The following C6orf163 variants were observed in gnomAD, a reference collection of about 807,000 sequenced individuals.
C6orf163 encodes chromosome 6 open reading frame 163, also known as uncharacterized protein C6orf163.
Under a neutral mutation model 28.4 loss-of-function variants are expected in C6orf163, and 22 were observed. The observed-to-expected ratio is 0.78, with a 90% CI of 0.55 to 1.11. The LOEUF is 1.11. Ranked by LOEUF, C6orf163 falls within the 50% of genes least tolerant of loss-of-function variation. The pLI is 0.00. For synonymous variants in C6orf163, 110 were observed against 123.6 expected (o/e 0.89, Z 0.73); for missense variants, 342 against 389.1 (o/e 0.88, Z 1.02).
At chr6:87,347,214 T>A (rs145823110) in intron 1 of C6orf163, 30 of 162,428 alleles carry the variant, frequency 1.8e-4, no homozygotes, top group African/African-American at 7.2e-4. Context: ...TAAAGAATCA[T>A]AGATTATGTA....
chr6:87,346,024 A>T (rs1244499165), intron 1 of C6orf163, among the ~76,000 whole-genome samples: 1 of 145,864 alleles, frequency 6.9e-6, no homozygotes, highest in Admixed American at 6.8e-5. Context: ...ATACATATAG[A>T]TAACATGAGG....
chr6:87,365,248 A>G lies in C6orf163; in HGVS notation c.842A>G (p.Glu281Gly). 1 of 1,551,740 alleles carries G rather than the reference A, an allele frequency of 6.4e-7. No individual in the cohort carries two copies. The highest frequency in any genetic ancestry group is 8.7e-7 in the Non-Finnish European group (1 of 1,146,992). ...MTNWKDFLEE[E>G]LQETRMAFQK... ...AATTGGAAAGATTTCCTAGAGGAGG[A>G]ATTACAGGAAACCAGGATGGCATTT... Residue 281 changes from glutamate to glycine, a missense_variant, in exon 5 of 5, where the codon GAA becomes GGA. Glu to Gly is a moderately conservative substitution (Grantham distance 98, BLOSUM62 -2). Coordinates refer to ENST00000388923, the MANE Select transcript of C6orf163 (RefSeq NM_001010868.3).
At chr6:87,357,219 A>G (rs1260690620) in intron 4 of C6orf163, 1 of 152,196 alleles carries the variant, frequency 6.6e-6, no homozygotes, top group Non-Finnish European at 1.5e-5. Context: ...AACTATTTCT[A>G]TATATGTAAT....
intron 2 of C6orf163, among the ~76,000 whole-genome samples, chr6:87,349,730 C>T (rs1476155027): frequency 6.6e-6 from 1 of 152,160 alleles, no homozygotes; most frequent in African/African-American, 2.4e-5. Flanking sequence ...CATAATGCTC[C>T]AGTTCTTTAT....
At position 87,344,877 on chromosome 6, in the gene C6orf163, C is replaced by T. The variant is rs778387497; in HGVS notation, c.-223C>T. 2.7e-6 allele frequency: 1 copy of T among 365,170 alleles called. No individual in the cohort carries two copies. Among genetic ancestry groups the T allele is most frequent in the Admixed American group, 4.6e-5 (1 of 21,688 alleles). 22.6% of individuals were successfully genotyped at this position (365,170 alleles called of 1,614,324 possible). On this transcript the variant is annotated 5_prime_UTR_variant, in exon 1 of 5. Coordinates refer to ENST00000388923, the MANE Select transcript of C6orf163 (RefSeq NM_001010868.3). Reference sequence around the variant, plus strand: ...TACTTAAATCTTCCCAAATCTGGTGCCCATACCTTCTATGGCAGGGGCTTT... The same window carrying T: ...TACTTAAATCTTCCCAAATCTGGTGTCCATACCTTCTATGGCAGGGGCTTT...
chr6:87,359,634 C>T (rs107690), intron 4 of C6orf163, among the ~76,000 whole-genome samples: 65,329 of 152,100 alleles, frequency 0.43, 14,415 homozygotes, highest in Non-Finnish European at 0.48. Flanking sequence ...CTACTATGGA[C>T]TTTCCGTAGT....
intron 1 of C6orf163, among the ~76,000 whole-genome samples, chr6:87,346,426 C>A (rs1259816663): frequency 6.6e-6 from 1 of 152,134 alleles, no homozygotes; most frequent in Non-Finnish European, 1.5e-5. Context: ...CAGTGTATCT[C>A]CATTCTTAGA....
intron 4 of C6orf163, chr6:87,357,302 C>T (rs921197085): frequency 4.6e-5 from 7 of 152,122 alleles, no homozygotes; most frequent in Non-Finnish European, 1.0e-4. Context: ...CCATAATTTC[C>T]AGATTTTTTT....
At position 87,344,920 on chromosome 6, in the gene C6orf163, G is replaced by A. The variant is rs999233733; in HGVS notation, c.-180G>A. The A allele has an allele frequency of 3.7e-5, 19 of 517,034 alleles. No individual in the cohort carries two copies. Among genetic ancestry groups the A allele is most frequent in the Middle Eastern group, 5.0e-4 (1 of 1,992 alleles). 32.0% of individuals were successfully genotyped at this position (517,034 alleles called of 1,614,324 possible). ...GGGGCTTTTAGCACCATTCTTTAAC[G>A]TTAGACACATAACCACAGCCTAATC... On this transcript the variant is annotated 5_prime_UTR_variant, in exon 1 of 5. Coordinates refer to ENST00000388923, the MANE Select transcript of C6orf163 (RefSeq NM_001010868.3).
intron 3 of C6orf163, among the ~76,000 whole-genome samples, chr6:87,351,013 G>T (rs564126372): frequency 6.6e-6 from 1 of 152,226 alleles, no homozygotes; most frequent in Non-Finnish European, 1.5e-5. Context: ...TGCATTTACT[G>T]TACTGCTAAG....
intron 1 of C6orf163, 37 bp downstream of exon 1, chr6:87,345,284 T>G: frequency 2.0e-6 from 3 of 1,480,448 alleles, no homozygotes; most frequent in South Asian, 1.3e-5. Flanking sequence ...TTCTAATGCT[T>G]CATAGCCTTA....
chr6:87,345,294 ATG>A (rs1231948403), intron 1 of C6orf163, 47 bp downstream of exon 1: 1 of 1,453,448 alleles, frequency 6.9e-7, no homozygotes, highest in Non-Finnish European at 9.0e-7. Flanking sequence ...TCATAGCCTT[ATG>A]TGTCATTCTT....
In C6orf163 at chr6:87,364,869, A is replaced by G. The variant is rs1335675015; in HGVS notation, c.555-92A>G. 4.1e-6 allele frequency: 4 copies of G among 981,260 alleles called. No individual in the cohort carries two copies. The African/African-American group carries it at 6.6e-5, about 16-fold the overall frequency. 60.8% of individuals were successfully genotyped at this position (981,260 alleles called of 1,614,324 possible). A position where few individuals can be genotyped will look rare whatever the true frequency, so the allele number is the denominator to read the frequency against. The stretch of plus-strand genomic sequence containing the variant: ...TGTCTCAGGCTGGTGGCTCATCTCA[A>G]CAATTGCTCATTCATCTGCGTTTAA... On this transcript the variant is annotated intron_variant, in intron 4 of 4. Coordinates refer to ENST00000388923, the MANE Select transcript of C6orf163 (RefSeq NM_001010868.3).
chr6:87,350,352 A>G, intron 2 of C6orf163, 42 bp from the exon 3 acceptor site: 1 of 1,260,774 alleles, frequency 7.9e-7, no homozygotes, highest in South Asian at 1.4e-5. Context: ...GCTTGTGCTT[A>G]TTCTGATACA....
intron 4 of C6orf163, chr6:87,356,940 C>T (rs758837367): frequency 5.7e-5 from 9 of 157,946 alleles, no homozygotes; most frequent in Non-Finnish European, 1.3e-4. Flanking sequence ...CTAGATCATA[C>T]ACTATTGTGT....
chr6:87,356,389 T>C lies in C6orf163; in HGVS notation c.440T>C (p.Val147Ala). The change falls in exon 4 of 5, where the codon GTC (valine) becomes GCC (alanine). Residue 147 changes from valine to alanine, a missense_variant. Val to Ala is a moderately conservative substitution (Grantham distance 64). Transcript: ENST00000388923. The part of the protein sequence containing the change: ...REHLAAEQRM[V>A]HRIQRIMMEC... Reference sequence around the variant, plus strand: ...CACTTGGCTGCAGAACAGCGCATGGTCCACAGAATCCAAAGGATTATGATG... The same window carrying C: ...CACTTGGCTGCAGAACAGCGCATGGCCCACAGAATCCAAAGGATTATGATG... 6.4e-7 allele frequency: 1 copy of C among 1,551,648 alleles called. No homozygotes were observed. The highest frequency in any genetic ancestry group is 1.2e-5 in the South Asian group (1 of 84,052).
chr6:87,356,105 G>A, intron 3 of C6orf163, 196 bp from the exon 4 acceptor site: 1 of 560,806 alleles, frequency 1.8e-6, no homozygotes, highest in East Asian at 2.9e-5. Context: ...ATGCTACATA[G>A]TTTGTACATT....
intron 4 of C6orf163, chr6:87,359,335 G>C (rs1777549759): frequency 6.6e-6 from 1 of 152,258 alleles, no homozygotes; most frequent in African/African-American, 2.4e-5. Context: ...TGTATAATGA[G>C]GCAGAGCCAA....
intron 4 of C6orf163, chr6:87,357,814 C>G (rs938830041): frequency 2.6e-5 from 4 of 152,262 alleles, no homozygotes; most frequent in Non-Finnish European, 4.4e-5. Flanking sequence ...CCCCTCCAGC[C>G]CTTTCCTCTG....
Sources: gnomAD v4.1 joint callset for allele counts (sites outside exome capture counted in the v4.1 genomes callset) on GRCh38, gnomAD v4.1.1 for gene constraint, MANE v1.5 for transcripts, NCBI Gene and HGNC (gene_info 2026-07-23, HGNC 2026-07-21) for gene names.